Variants in SLC16A14 observed in about 807,000 individuals in gnomAD.
SLC16A14 encodes monocarboxylate transporter 14.
A neutral mutation model predicts 35.8 loss-of-function variants in SLC16A14; 14 were observed. That is an observed-to-expected ratio of 0.39 (90% confidence interval 0.26 to 0.61). The LOEUF (loss-of-function observed/expected upper bound fraction) is 0.61, where lower values mean the gene tolerates loss of function less well. Ranked by LOEUF, SLC16A14 falls within the 20% of genes least tolerant of loss-of-function variation. The pLI is 0.51. For missense variants in SLC16A14, 533 were observed against 655.0 expected, an observed-to-expected ratio of 0.81 and a Z score of 2.03; for synonymous variants, 248 against 258.9, an observed-to-expected ratio of 0.96 and a Z score of 0.40.
At chr2:230,056,825 G>A (rs376836242) in intron 2 of SLC16A14, among the ~76,000 whole-genome samples, 3 of 144,350 alleles carry the variant, frequency 2.1e-5, no homozygotes, top group Non-Finnish European at 3.0e-5. Flanking sequence ...AGTTACGATT[G>A]TGCTACTGCA....
chr2:230,048,575 C>T (rs1238980836), intron 3 of SLC16A14, among the ~76,000 whole-genome samples: 5 of 152,168 alleles, frequency 3.3e-5, no homozygotes, highest in Non-Finnish European at 7.3e-5. Flanking sequence ...TTCTTCGTCT[C>T]TACATATATG....
chr2:230,061,025 A>AC (rs2077748345), intron 1 of SLC16A14, among the ~76,000 whole-genome samples: 3 of 152,316 alleles, frequency 2.0e-5, no homozygotes, highest in Non-Finnish European at 4.4e-5. Flanking sequence ...CAACAAGTGG[A>AC]AATGATTGCT....
In SLC16A14 at chr2:230,037,219, C is replaced by T; in HGVS notation, c.*161G>A. ...CATTACATCTCCCCAAACAGAGAGGCAGTGCTGCTTACAAATGAGGCTGTG... is the reference window on the plus strand; with the variant it reads ...CATTACATCTCCCCAAACAGAGAGGTAGTGCTGCTTACAAATGAGGCTGTG... On this transcript the variant is annotated 3_prime_UTR_variant, in exon 5 of 5. Coordinates refer to ENST00000295190, the MANE Select transcript of SLC16A14 (RefSeq NM_152527.5). 1 of 536,604 alleles carries T rather than the reference C, an allele frequency of 1.9e-6. No homozygotes were observed. The allele number at this position is 536,604 out of a possible 1,614,324, so 33.2% of individuals were successfully genotyped here.
chr2:230,045,858 G>T lies in SLC16A14; in HGVS notation c.1268C>A (p.Ser423Tyr). Residue 423 changes from serine to tyrosine, a missense_variant, in exon 4 of 5, where the codon TCC (serine) becomes TAC (tyrosine). Coordinates refer to ENST00000295190, the MANE Select transcript of SLC16A14 (RefSeq NM_152527.5). ...GTCTTCAGTCACTACGGGCATTAGGGAGAAATAACCACTGGAAAACCCTAT... is the reference window on the plus strand; with the variant it reads ...GTCTTCAGTCACTACGGGCATTAGGTAGAAATAACCACTGGAAAACCCTAT... ...ALIGFSSGYFSLMPVVTEDLV... is the reference protein window; with the variant it reads ...ALIGFSSGYFYLMPVVTEDLV... 2.5e-6 allele frequency: 4 copies of T among 1,614,054 alleles called. No homozygotes were observed. Among genetic ancestry groups the T allele is most frequent in the Non-Finnish European group, 3.4e-6 (4 of 1,179,972 alleles).
intron 4 of SLC16A14, among the ~76,000 whole-genome samples, chr2:230,045,201 T>G (rs1271155715): frequency 6.6e-6 from 1 of 152,222 alleles, no homozygotes; most frequent in East Asian, 1.9e-4. Context: ...TCTACCAGCC[T>G]GGCTGCTTTA....
In SLC16A14 at chr2:230,059,136, C is replaced by T. The variant is rs202122599; in HGVS notation, c.217G>A (p.Ala73Thr). The T allele has an allele frequency of 3.7e-5, 59 of 1,613,986 alleles. No individual in the cohort carries two copies. The highest frequency in any genetic ancestry group is 1.3e-4 in the East Asian group (6 of 44,876). Residue 73 changes from alanine (A) to threonine (T), a missense_variant, in exon 2 of 5, where the codon GCC becomes ACC. Coordinates refer to ENST00000295190, the MANE Select transcript of SLC16A14 (RefSeq NM_152527.5). ...EEFHQSRGLTAWVSSLSMGIT... is the reference protein window; with the variant it reads ...EEFHQSRGLTTWVSSLSMGIT... ...CCCATGCTGAGGGAGCTGACCCAGG[C>T]GGTCAGGCCGCGGCTCTGGTGGAAT...
chr2:230,044,736 G>GTGTGTA (rs575463088), intron 4 of SLC16A14, among the ~76,000 whole-genome samples: 3,876 of 106,948 alleles, frequency 0.036, 68 homozygotes, highest in East Asian at 0.08. Flanking sequence ...GTGTGTGTGT[G>GTGTGTA]TATGTGTGTG....
At chr2:230,064,797 G>A (rs2077779386) in intron 1 of SLC16A14, among the ~76,000 whole-genome samples, 1 of 152,084 alleles carries the variant, frequency 6.6e-6, no homozygotes, top group Admixed American at 6.5e-5. Flanking sequence ...GATCACCTGA[G>A]GTCGGGAGTG....
intron 1 of SLC16A14, 33 bp from the exon 2 acceptor site, chr2:230,059,399 C>A: frequency 6.8e-7 from 1 of 1,478,410 alleles, no homozygotes; most frequent in Non-Finnish European, 9.1e-7. Context: ...TTTCATGGAA[C>A]ATCAAAAGGA....
At chr2:230,058,643 T>C (rs1376979607) in intron 2 of SLC16A14, among the ~76,000 whole-genome samples, 2 of 152,232 alleles carry the variant, frequency 1.3e-5, no homozygotes, top group African/African-American at 4.8e-5. Context: ...AAATTATTTT[T>C]TTTTTTTGAA....
rs1560472099 is a variant in SLC16A14 at position 230,044,726 on chromosome 2, G to GTGTGTGTGTGTGTGTT, written c.1381+1018_1381+1019insAACACACACACACACA. Among the ~76,000 whole-genome samples the GTGTGTGTGTGTGTGTT allele has an allele frequency of 1.8e-4, 19 of 103,078 alleles. No individual in the cohort carries two copies. The East Asian group carries it at 3.3e-3, about 18-fold the overall frequency. The allele number at this position is 103,078 out of a possible 152,430, so 67.6% of individuals were successfully genotyped here. A position where few individuals can be genotyped will look rare whatever the true frequency, so the allele number is the denominator to read the frequency against. ...TATTTGTGTGTGTGTGTGTGTGTGT[G>GTGTGTGTGTGTGTGTT]TGTGTGTGTGTATGTGTGTGTGTGT... On this transcript the variant is annotated intron_variant, in intron 4 of 4. Transcript: ENST00000295190.
At chr2:230,057,000 C>T (rs1167997574) in intron 2 of SLC16A14, among the ~76,000 whole-genome samples, 1 of 151,488 alleles carries the variant, frequency 6.6e-6, no homozygotes, top group Non-Finnish European at 1.5e-5. Flanking sequence ...TCCAATCAGA[C>T]ACACATTGGC....
intron 2 of SLC16A14, 122 bp from the exon 3 acceptor site, chr2:230,050,026 C>T (rs2077646224): frequency 2.6e-6 from 3 of 1,159,126 alleles, no homozygotes; most frequent in East Asian, 2.6e-5. Context: ...CACAAAAAGC[C>T]CCCATTGCTT....
chr2:230,038,615 G>A lies in SLC16A14; in HGVS notation c.1382-1084C>T. On this transcript the variant is annotated intron_variant, in intron 4 of 4. Coordinates refer to ENST00000295190, the MANE Select transcript of SLC16A14 (RefSeq NM_152527.5). This position sits in a 1 kb window ranked among gnomAD's most constrained non-coding sequence, Gnocchi z 4.4. ...ATTAGCAGAGACTTAAAATATAAAT[G>A]ATTTAGTGGCCAGGATCAGTGGCTC... is the stretch of plus-strand genomic sequence containing the variant. Among the ~76,000 whole-genome samples, 1 of 152,006 alleles carries A rather than the reference G, an allele frequency of 6.6e-6. No individual in the cohort carries two copies. Among genetic ancestry groups the A allele is most frequent in the South Asian group, 2.1e-4 (1 of 4,828 alleles).
intron 2 of SLC16A14, among the ~76,000 whole-genome samples, chr2:230,055,496 G>T (rs2077697410): frequency 6.6e-6 from 1 of 152,202 alleles, no homozygotes; most frequent in Admixed American, 6.5e-5. Context: ...TTTCCCTGTA[G>T]AAAGATTAGT....
At chr2:230,060,009 C>T (rs954588513) in intron 1 of SLC16A14, among the ~76,000 whole-genome samples, 3 of 152,142 alleles carry the variant, frequency 2.0e-5, no homozygotes, top group East Asian at 1.9e-4. Flanking sequence ...TTATACAAGA[C>T]TCATACTTTA....
At position 230,045,796 on chromosome 2, in the gene SLC16A14, T is replaced by C. The variant is rs532879055; in HGVS notation, c.1330A>G (p.Ile444Val). ...GAGATGCCATTAGCACAGATGATGATGCCGTAGGCATTGGCCAGGTGTTCA... is the reference window on the plus strand; with the variant it reads ...GAGATGCCATTAGCACAGATGATGACGCCGTAGGCATTGGCCAGGTGTTCA... ...GIEHLANAYG[I>V]IICANGISAL... Residue 444 changes from isoleucine (I) to valine (V), a missense_variant, in exon 4 of 5, where the codon ATC (isoleucine) becomes GTC (valine). Transcript: ENST00000295190. The C allele has an allele frequency of 1.2e-6, 2 of 1,614,218 alleles. No individual in the cohort carries two copies. Among genetic ancestry groups the C allele is most frequent in the South Asian group, 2.2e-5 (2 of 91,082 alleles).
intron 4 of SLC16A14, among the ~76,000 whole-genome samples, chr2:230,039,616 G>A (rs1263487471): frequency 1.3e-5 from 2 of 152,046 alleles, no homozygotes; most frequent in East Asian, 3.9e-4. Flanking sequence ...ATACATGATG[G>A]GAATAACTGT....
At position 230,047,916 on chromosome 2, in the gene SLC16A14, A is replaced by G. The variant is rs139259989; in HGVS notation, c.404-1194T>C. Among the ~76,000 whole-genome samples, 58 of 152,328 alleles carry G rather than the reference A, an allele frequency of 3.8e-4. 1 individual carries two copies. In the East Asian group the frequency reaches 0.01, roughly 27 times the overall value. ...ATAATAAGGGAAAAAGAGAACTGTT[A>G]TCAGGTCCTTCAATCAATGGTTTTT... On this transcript the variant is annotated intron_variant, in intron 3 of 4. Transcript: ENST00000295190.
Sources: gnomAD v4.1 joint callset for allele counts (sites outside exome capture counted in the v4.1 genomes callset) on GRCh38, gnomAD v4.1.1 for gene constraint, Gnocchi (gnomAD v3.1) non-coding constraint, MANE v1.5 for transcripts, NCBI Gene and HGNC (gene_info 2026-07-23, HGNC 2026-07-21) for gene names.